The following NKAIN3 variants were observed in gnomAD, a reference collection of about 807,000 sequenced individuals.
The protein encoded by NKAIN3 is sodium/potassium-transporting ATPase subunit beta-1-interacting protein 3.
Under a neutral mutation model 30.2 loss-of-function variants are expected in NKAIN3, and 25 were observed. The ratio of observed to expected loss-of-function variants is 0.83; its 90% CI spans 0.60 to 1.16. NKAIN3 has a LOEUF of 1.16. NKAIN3 is among the 50% of genes most tolerant of loss of function. The pLI is 0.00. For synonymous variants in NKAIN3, 91 were observed against 89.6 expected (o/e 1.02, Z -0.09); for missense variants, 225 against 254.1 (o/e 0.89, Z 0.78).
At chr8:62,858,383 A>C (rs568530723) in intron 4 of NKAIN3, among the ~76,000 whole-genome samples, 16 of 152,170 alleles carry the variant, frequency 1.1e-4, no homozygotes, top group Non-Finnish European at 1.9e-4. Flanking sequence ...TTGATAGAGC[A>C]GCATGCGTGT....
chr8:62,637,180 T>C (rs1166341390), intron 3 of NKAIN3, among the ~76,000 whole-genome samples: 1 of 152,194 alleles, frequency 6.6e-6, no homozygotes, highest in Non-Finnish European at 1.5e-5. Flanking sequence ...AAGTTCAGTG[T>C]CTCTCCCAAA....
chr8:62,363,434 A>G (rs1338789752), intron 1 of NKAIN3, among the ~76,000 whole-genome samples: 1 of 152,012 alleles, frequency 6.6e-6, no homozygotes, highest in Non-Finnish European at 1.5e-5. Context: ...AACGTCTGAG[A>G]CCCTGGACAT....
chr8:62,894,845 TA>T (rs1297426328), intron 4 of NKAIN3, among the ~76,000 whole-genome samples: 1 of 152,164 alleles, frequency 6.6e-6, no homozygotes, highest in Admixed American at 6.5e-5. Context: ...TTTTTATCCT[TA>T]AAGTCACCTC....
At chr8:62,711,761 G>A (rs185974258) in intron 3 of NKAIN3, among the ~76,000 whole-genome samples, 8 of 152,134 alleles carry the variant, frequency 5.3e-5, no homozygotes, top group Non-Finnish European at 8.8e-5. Context: ...TTTCTTCTTG[G>A]TTTGGATCCA....
chr8:62,961,778 A>C (rs1376021892), intron 6 of NKAIN3, among the ~76,000 whole-genome samples: 1 of 152,236 alleles, frequency 6.6e-6, no homozygotes, highest in Non-Finnish European at 1.5e-5. Context: ...AAGTGAAAAC[A>C]AAAGGAAAAG....
intron 1 of NKAIN3, among the ~76,000 whole-genome samples, chr8:62,294,023 G>A (rs1460094869): frequency 2.0e-5 from 3 of 152,160 alleles, no homozygotes; most frequent in African/African-American, 7.2e-5. Flanking sequence ...TGTGAGGGTG[G>A]GACCCTTCGA....
At chr8:62,557,190 T>A (rs1245169585) in intron 1 of NKAIN3, among the ~76,000 whole-genome samples, 1 of 152,108 alleles carries the variant, frequency 6.6e-6, no homozygotes, top group Non-Finnish European at 1.5e-5. Flanking sequence ...TTACTTCACT[T>A]AGAGCAATAG....
chr8:62,804,226 C>T (rs1424430882), intron 4 of NKAIN3, among the ~76,000 whole-genome samples: 1 of 152,114 alleles, frequency 6.6e-6, no homozygotes, highest in Non-Finnish European at 1.5e-5. Flanking sequence ...CTATTCCAAT[C>T]AATAGGAAAA....
chr8:62,813,206 T>C (rs1818549138), intron 4 of NKAIN3, among the ~76,000 whole-genome samples: 1 of 152,010 alleles, frequency 6.6e-6, no homozygotes, highest in South Asian at 2.1e-4. Flanking sequence ...TCTATTGGTC[T>C]ATGTGTTTTT....
chr8:62,820,841 T>C (rs1818826625), intron 4 of NKAIN3, among the ~76,000 whole-genome samples: 1 of 152,114 alleles, frequency 6.6e-6, no homozygotes, highest in Non-Finnish European at 1.5e-5. Context: ...TAAACAAACA[T>C]AAACATGAAT....
At chr8:62,988,344 A>G (rs118087859), downstream of NKAIN3, among the ~76,000 whole-genome samples, 11,307 of 152,232 alleles carry the variant, frequency 0.074, 677 homozygotes, top group East Asian at 0.3. Flanking sequence ...GAGGGCTCCA[A>G]CCCCACATTT....
intron 1 of NKAIN3, among the ~76,000 whole-genome samples, chr8:62,316,216 G>T (rs1174096674): frequency 6.6e-6 from 1 of 152,084 alleles, no homozygotes; most frequent in East Asian, 1.9e-4. Context: ...TCTCGGGTAT[G>T]TCTTTATTGG....
At chr8:62,499,156 A>G (rs1250460662) in intron 1 of NKAIN3, among the ~76,000 whole-genome samples, 2 of 152,190 alleles carry the variant, frequency 1.3e-5, no homozygotes, top group African/African-American at 4.8e-5. Context: ...TAATAGCGGA[A>G]GAGGACTAGG....
At chr8:62,337,574 C>CCTATAT (rs1554668409) in intron 1 of NKAIN3, among the ~76,000 whole-genome samples, 3 of 150,332 alleles carry the variant, frequency 2.0e-5, no homozygotes, top group Non-Finnish European at 4.4e-5. Flanking sequence ...AAGTATAGTA[C>CCTATAT]ATATATATAT....
intron 2 of NKAIN3, among the ~76,000 whole-genome samples, chr8:62,580,252 AC>A (rs1444954619): frequency 2.0e-5 from 3 of 152,168 alleles, no homozygotes; most frequent in Non-Finnish European, 4.4e-5. Flanking sequence ...TATATCCAAA[AC>A]TTGGTCAGCA....
intron 1 of NKAIN3, among the ~76,000 whole-genome samples, chr8:62,282,607 A>G (rs1813242859): frequency 1.3e-5 from 2 of 152,182 alleles, no homozygotes; most frequent in Non-Finnish European, 2.9e-5. Context: ...TTTAAAAGAC[A>G]TATGCCCCTT....
intron 4 of NKAIN3, among the ~76,000 whole-genome samples, chr8:62,907,400 C>A (rs1295145222): frequency 3.3e-5 from 5 of 152,126 alleles, no homozygotes; most frequent in Non-Finnish European, 5.9e-5. Context: ...AAAAGCAAAA[C>A]CCATTTTCTG....
rs1402089915 is a variant in NKAIN3 at position 62,758,937 on chromosome 8, A to T, written c.471+11808A>T. 3.3e-5 allele frequency among the ~76,000 whole-genome samples: 5 copies of T among 152,202 alleles called. No individual in the cohort carries two copies. The South Asian group carries it at 1.0e-3, about 32-fold the overall frequency. The stretch of plus-strand genomic sequence containing the variant: ...ATATCTCCACATTATTCAGAAGTAA[A>T]CAATAAACTTGGGATTCTTCACTTA... On this transcript the variant is annotated intron_variant, in intron 4 of 6. Transcript: ENST00000623646.
intron 1 of NKAIN3, among the ~76,000 whole-genome samples, chr8:62,428,074 T>C (rs1203874968): frequency 6.6e-6 from 1 of 151,908 alleles, no homozygotes; most frequent in Non-Finnish European, 1.5e-5. Flanking sequence ...AGCTTCTACG[T>C]GTGCATGAGA....
Sources: gnomAD v4.1 joint callset for allele counts (sites outside exome capture counted in the v4.1 genomes callset) on GRCh38, gnomAD v4.1.1 for gene constraint, MANE v1.5 for transcripts, NCBI Gene and HGNC (gene_info 2026-07-23, HGNC 2026-07-21) for gene names.